Variants in CLSPN observed in about 807,000 individuals in gnomAD.
CLSPN encodes claspin homolog.
In CLSPN, 85 loss-of-function variants were observed where a neutral mutation model predicts 156.3. The ratio of observed to expected loss-of-function variants is 0.54; its 90% CI spans 0.46 to 0.65. The LOEUF is 0.65. Ranked by LOEUF, CLSPN falls within the 30% of genes least tolerant of loss-of-function variation. The pLI, the probability that CLSPN is intolerant of heterozygous loss-of-function variation, is 0.00. For synonymous variants in CLSPN, 534 were observed against 542.4 expected, an observed-to-expected ratio of 0.98 and a Z score of 0.22; for missense variants, 1,407 against 1,554.9, an observed-to-expected ratio of 0.90 and a Z score of 1.60.
chr1:35,732,300 G>A lies in CLSPN; in HGVS notation c.*4196C>T. On this transcript the variant is annotated 3_prime_UTR_variant, in exon 25 of 25. Coordinates refer to ENST00000318121, the MANE Select transcript of CLSPN (RefSeq NM_022111.4). ...CTATCCTTAGGAGCACAAATCCCAG[G>A]ACAGGATGCCACAAGAGTGATTAGA... 1.0e-6 allele frequency: 1 copy of A among 985,288 alleles called. No individual in the cohort carries two copies. Among genetic ancestry groups the A allele is most frequent in the Non-Finnish European group, 1.2e-6 (1 of 829,914 alleles). The allele number at this position is 985,288 out of a possible 1,614,324, so 61.0% of individuals were successfully genotyped here.
At position 35,737,210 on chromosome 1, in the gene CLSPN, C is replaced by T; in HGVS notation, c.3747+129G>A. The T allele has an allele frequency of 4.1e-6, 5 of 1,215,020 alleles. No homozygotes were observed. In the South Asian group the frequency reaches 6.6e-5, roughly 16 times the overall value. 75.3% of individuals were successfully genotyped at this position (1,215,020 alleles called of 1,614,324 possible). A position where few individuals can be genotyped will look rare whatever the true frequency, so the allele number is the denominator to read the frequency against. ...ATTCAAATAGAAAAGAAATAGCAGA[C>T]TCCTTTGACATTAACTTTTTCCCTG... is the stretch of plus-strand genomic sequence containing the variant. On this transcript the variant is annotated intron_variant, in intron 23 of 24. Transcript: ENST00000318121.
downstream of CLSPN, among the ~76,000 whole-genome samples, chr1:35,729,794 C>T (rs1454008477): frequency 2.0e-5 from 3 of 152,216 alleles, no homozygotes; most frequent in Non-Finnish European, 4.4e-5. Flanking sequence ...GTGAGTTAGC[C>T]TGCATTAGTG....
At chr1:35,748,176 G>T in intron 13 of CLSPN, 115 bp from the exon 14 acceptor site, 1 of 1,218,512 alleles carries the variant, frequency 8.2e-7, no homozygotes, top group Non-Finnish European at 1.2e-6. Context: ...GGAAATTGTA[G>T]TTGAGGGGGA....
chr1:35,744,341 C>G (rs1265926125), intron 16 of CLSPN, among the ~76,000 whole-genome samples: 1 of 152,174 alleles, frequency 6.6e-6, no homozygotes, highest in Non-Finnish European at 1.5e-5. Context: ...GGGTCTTGCT[C>G]TGATGCCCAG....
At position 35,733,156 on chromosome 1, in the gene CLSPN, CG is replaced by C. The variant is rs1641357982; in HGVS notation, c.*3339del. Among the ~76,000 whole-genome samples the C allele has an allele frequency of 2.6e-5, 4 of 151,756 alleles. No homozygotes were observed. The highest frequency in any genetic ancestry group is 9.7e-5 in the African/African-American group (4 of 41,318). On this transcript the variant is annotated 3_prime_UTR_variant, in exon 25 of 25. Coordinates refer to ENST00000318121, the MANE Select transcript of CLSPN (RefSeq NM_022111.4). ...CTGATTTTTGTATTTTTAGTAGAGA[CG>C]GGGTTTCACCTTGTTGGTCAGTCTG...
Position 35,734,378 on chromosome 1 carries a change from T to C in CLSPN, c.*2118A>G. On this transcript the variant is annotated 3_prime_UTR_variant, in exon 25 of 25. Transcript: ENST00000318121. ...ATTGTCAAAGTCAACATCTTGAGTA[T>C]TAGAAAACTGTAGAAAACCGGCCGG... The C allele has an allele frequency of 1.0e-6, 1 of 985,266 alleles. No homozygotes were observed. The highest frequency in any genetic ancestry group is 1.2e-6 in the Non-Finnish European group (1 of 829,866). The allele number at this position is 985,266 out of a possible 1,614,324, so 61.0% of individuals were successfully genotyped here.
intron 10 of CLSPN, among the ~76,000 whole-genome samples, chr1:35,751,038 G>A (rs1317356371): frequency 3.3e-5 from 5 of 151,324 alleles, no homozygotes; most frequent in Non-Finnish European, 5.9e-5. Context: ...CTGAATATCT[G>A]TATTCAGATA....
chr1:35,763,141 G>A lies in CLSPN; in HGVS notation c.744+19C>T. The A allele has an allele frequency of 2.0e-6, 3 of 1,519,428 alleles. No individual in the cohort carries two copies. The highest frequency in any genetic ancestry group is 2.5e-5 in the East Asian group (1 of 40,534). 94.1% of individuals were successfully genotyped at this position (1,519,428 alleles called of 1,614,324 possible). On this transcript the variant is annotated intron_variant, in intron 4 of 24. Coordinates refer to ENST00000318121, the MANE Select transcript of CLSPN (RefSeq NM_022111.4). ...CAGAAGCAGTTGATTAACTCTTATT[G>A]CAATCATGCTTTACTTGCCTTGTGC...
chr1:35,761,887 A>T, intron 6 of CLSPN, 111 bp downstream of exon 6: 1 of 693,046 alleles, frequency 1.4e-6, no homozygotes, highest in Non-Finnish European at 2.5e-6. Flanking sequence ...ACTTAATATT[A>T]TAACCTGAGT....
At chr1:35,765,572 C>A (rs983731396) in intron 1 of CLSPN, among the ~76,000 whole-genome samples, 2 of 151,992 alleles carry the variant, frequency 1.3e-5, no homozygotes, top group African/African-American at 4.8e-5. Context: ...TGAAAAGAAT[C>A]AAGCATTTAT....
In CLSPN at chr1:35,752,322, G is replaced by A. The variant is rs1460676136; in HGVS notation, c.1772-816C>T. 1.3e-5 allele frequency among the ~76,000 whole-genome samples: 2 copies of A among 152,152 alleles called. 1 individual carries two copies. Among genetic ancestry groups the A allele is most frequent in the Non-Finnish European group, 2.9e-5 (2 of 68,026 alleles). On this transcript the variant is annotated intron_variant, in intron 9 of 24. Transcript: ENST00000318121. Reference sequence around the variant, plus strand: ...AGGCCGGGCGCAGTGACTCACGCCTGTAATCCCAGCACTTTGCGGGGCCAA... The same window carrying A: ...AGGCCGGGCGCAGTGACTCACGCCTATAATCCCAGCACTTTGCGGGGCCAA...
chr1:35,762,554 T>G, intron 4 of CLSPN, 73 bp from the exon 5 acceptor site: 1 of 1,084,202 alleles, frequency 9.2e-7, no homozygotes, highest in Non-Finnish European at 1.4e-6. Flanking sequence ...GAAGACTACT[T>G]TTGTAGTCCA....
chr1:35,764,681 A>G lies in CLSPN; in HGVS notation c.167T>C (p.Leu56Ser). The change falls in exon 3 of 25, where the codon TTG (leucine) becomes TCG (serine). Residue 56 changes from leucine (L) to serine (S), a missense_variant. Coordinates refer to ENST00000318121, the MANE Select transcript of CLSPN (RefSeq NM_022111.4). Reference sequence around the variant, plus strand: ...GTCTTGTAGAACCTTCCTGTTTTTCAACTTCTTACTTACAAATATCTCTTC... The same window carrying G: ...GTCTTGTAGAACCTTCCTGTTTTTCGACTTCTTACTTACAAATATCTCTTC... ...SDEEIFVSKK[L>S]KNRKVLQDSD... The G allele has an allele frequency of 1.9e-6, 3 of 1,582,294 alleles. No individual in the cohort carries two copies. Among genetic ancestry groups the G allele is most frequent in the Non-Finnish European group, 2.6e-6 (3 of 1,170,886 alleles).
intron 6 of CLSPN, 45 bp downstream of exon 6, chr1:35,761,953 A>G (rs748913484): frequency 1.2e-5 from 16 of 1,336,608 alleles, no homozygotes; most frequent in Non-Finnish European, 1.7e-5. Flanking sequence ...TGAGCTTACA[A>G]AGAAATGTTG....
chr1:35,737,666 T>C (rs893833785), intron 22 of CLSPN: 48 of 470,182 alleles, frequency 1.0e-4, no homozygotes, highest in Middle Eastern at 5.7e-4. Flanking sequence ...GCTTCATTTC[T>C]GGAGTTAAAT....
intron 8 of CLSPN, among the ~76,000 whole-genome samples, chr1:35,759,182 G>A (rs138417107): frequency 1.2e-4 from 19 of 152,262 alleles, no homozygotes; most frequent in African/African-American, 3.9e-4. Flanking sequence ...ATAAATACAA[G>A]TGCCTACAAT....
chr1:35,743,188 A>G lies in CLSPN; in HGVS notation c.3096T>C (p.Asp1032=). ...NDLALEDHED[D]DEEELLKRSE... The stretch of plus-strand genomic sequence containing the variant: ...ATCGCTTCAGGAGTTCTTCTTCATC[A>G]TCATCTTCATGGTCTTCCAGTGCCA... The change falls in exon 18 of 25, where the codon GAT becomes GAC. Residue 1032 remains aspartate, a synonymous_variant. Transcript: ENST00000318121. The G allele has an allele frequency of 6.2e-7, 1 of 1,614,136 alleles. No individual in the cohort carries two copies. Among genetic ancestry groups the G allele is most frequent in the Non-Finnish European group, 8.5e-7 (1 of 1,180,006 alleles).
chr1:35,764,595 C>G lies in CLSPN; in HGVS notation c.253G>C (p.Glu85Gln). Residue 85 changes from glutamate (E) to glutamine (Q), a missense_variant, in exon 3 of 25, where the codon GAG becomes CAG. This residue lies in a region of CLSPN where 1,096 missense variants were observed against 1,193.0 expected (regional missense o/e 0.92). Transcript: ENST00000318121. The part of the protein sequence containing the change: ...SPEKTTYDSA[E>Q]EENKENLYAG... ...TATAAATTCTCTTTATTTTCCTCCT[C>G]GGCACTGTCATAGGTAGTTTTCTCT... 2 of 1,613,872 alleles carry G rather than the reference C, an allele frequency of 1.2e-6. No individual in the cohort carries two copies. The highest frequency in any genetic ancestry group is 1.7e-6 in the Non-Finnish European group (2 of 1,179,924).
intron 8 of CLSPN, among the ~76,000 whole-genome samples, chr1:35,759,810 T>A (rs971843382): frequency 6.6e-6 from 1 of 151,800 alleles, no homozygotes; most frequent in East Asian, 1.9e-4. Context: ...ACCTCTTTTT[T>A]ATATTAACTA....
Sources: gnomAD v4.1 joint callset for allele counts (sites outside exome capture counted in the v4.1 genomes callset) on GRCh38, gnomAD v4.1.1 for gene constraint, gnomAD v4.1.1 regional missense constraint, MANE v1.5 for transcripts, NCBI Gene and HGNC (gene_info 2026-07-23, HGNC 2026-07-21) for gene names.